The following GADL1 variants were observed in gnomAD, a reference collection of about 807,000 sequenced individuals.
The protein encoded by GADL1 is GAD like acidic amino acid decarboxylase 1, also known as acidic amino acid decarboxylase GADL1.
A neutral mutation model predicts 69.5 loss-of-function variants in GADL1; 71 were observed. That is an observed-to-expected ratio of 1.02 (90% CI 0.84 to 1.25). The LOEUF (loss-of-function observed/expected upper bound fraction) is 1.25, where lower values mean the gene tolerates loss of function less well. GADL1 is among the 50% of genes most tolerant of loss of function. The pLI is 0.00. For missense variants in GADL1, 737 were observed against 631.8 expected (o/e 1.17, Z -1.79); for synonymous variants, 254 against 214.4 (o/e 1.18, Z -1.62).
chr3:30,766,745 C>CT (rs1203604045), intron 14 of GADL1, among the ~76,000 whole-genome samples: 1 of 150,608 alleles, frequency 6.6e-6, no homozygotes, highest in Non-Finnish European at 1.5e-5. Flanking sequence ...GTCAGCTAGA[C>CT]TGCAGGGGAC....
chr3:30,797,281 G>T (rs555065826), intron 12 of GADL1, among the ~76,000 whole-genome samples: 1 of 152,264 alleles, frequency 6.6e-6, no homozygotes, highest in South Asian at 2.1e-4. Context: ...CCTCTAGGGG[G>T]AAAACAATTG....
intron 12 of GADL1, among the ~76,000 whole-genome samples, chr3:30,791,101 T>TGTG (rs1175786397): frequency 6.6e-6 from 1 of 152,126 alleles, no homozygotes; most frequent in East Asian, 1.9e-4. Flanking sequence ...AATGAGGGTG[T>TGTG]GTGGTTTTCC....
intron 8 of GADL1, among the ~76,000 whole-genome samples, chr3:30,839,392 C>T (rs1294091686): frequency 6.6e-6 from 1 of 151,678 alleles, no homozygotes; most frequent in African/African-American, 2.4e-5. Flanking sequence ...TTTGTTCTAT[C>T]AATTGTCCAG....
At chr3:30,732,959 C>T (rs111356362) in intron 14 of GADL1, among the ~76,000 whole-genome samples, 8 of 152,050 alleles carry the variant, frequency 5.3e-5, no homozygotes, top group African/African-American at 1.2e-4. Flanking sequence ...AGGGAGGCTG[C>T]GGCACGGGAC....
chr3:30,778,195 C>T lies in GADL1; in HGVS notation c.1376G>A (p.Trp459Ter). The change falls in exon 14 of 15, where the codon TGG (tryptophan) becomes TAG (stop). Residue 459 changes from tryptophan to a stop codon, truncating the protein, a stop_gained. Coordinates refer to ENST00000282538, the MANE Select transcript of GADL1 (RefSeq NM_207359.3). LOFTEE classifies it high-confidence loss of function. ...LREMEEGPEF[W>*]AKLNLVAPAI... ...ATTACTTACCAAATTAAGTTTTGCC[C>T]AGAACTCGGGTCCTTCTTCCATCTC... 1.2e-6 allele frequency: 2 copies of T among 1,607,346 alleles called. No homozygotes were observed. The highest frequency in any genetic ancestry group is 2.2e-5 in the South Asian group (2 of 90,888).
At chr3:30,758,894 G>A (rs911778094) in intron 14 of GADL1, among the ~76,000 whole-genome samples, 1 of 152,112 alleles carries the variant, frequency 6.6e-6, no homozygotes, top group Non-Finnish European at 1.5e-5. Context: ...ATATATAGGG[G>A]ATTTGAGTCA....
chr3:30,868,883 TG>T (rs1698442552), intron 1 of GADL1, among the ~76,000 whole-genome samples: 1 of 151,822 alleles, frequency 6.6e-6, no homozygotes, highest in South Asian at 2.1e-4. Flanking sequence ...GACATCTGGT[TG>T]GGGGAGGCCA....
intron 11 of GADL1, among the ~76,000 whole-genome samples, chr3:30,804,993 A>G (rs774946386): frequency 2.0e-5 from 3 of 152,206 alleles, no homozygotes; most frequent in Admixed American, 6.5e-5. Flanking sequence ...AATGGATTGG[A>G]TTATACAGTA....
rs76349448 is a variant in GADL1 at position 30,772,735 on chromosome 3, G to C, written c.1392+5444C>G. Among the ~76,000 whole-genome samples the C allele has an allele frequency of 0.016, 2,429 of 152,136 alleles. 171 individuals are homozygous for C. In the East Asian group the frequency reaches 0.24, roughly 15 times the overall value. ...ACTAAAAATACAAAACATTATCAGGGCATAGTGGTGAGCAGCTGTAATCCC... is the reference window on the plus strand; with the variant it reads ...ACTAAAAATACAAAACATTATCAGGCCATAGTGGTGAGCAGCTGTAATCCC... On this transcript the variant is annotated intron_variant, in intron 14 of 14. Coordinates refer to ENST00000282538, the MANE Select transcript of GADL1 (RefSeq NM_207359.3).
chr3:30,757,992 TTTG>T (rs1189702875), intron 14 of GADL1, among the ~76,000 whole-genome samples: 3 of 152,360 alleles, frequency 2.0e-5, no homozygotes, highest in African/African-American at 7.2e-5. Context: ...TTAATCCAAA[TTTG>T]TTTTCTCAAT....
At chr3:30,867,598 A>G (rs62233364) in intron 1 of GADL1, among the ~76,000 whole-genome samples, 27,247 of 151,530 alleles carry the variant, frequency 0.18, 2,575 homozygotes, top group East Asian at 0.3. Context: ...GGTTTAATTC[A>G]GTTGAATTGC....
At chr3:30,868,052 A>G (rs1300370405) in intron 1 of GADL1, among the ~76,000 whole-genome samples, 1 of 152,048 alleles carries the variant, frequency 6.6e-6, no homozygotes, top group African/African-American at 2.4e-5. Flanking sequence ...ACAGCTGCCC[A>G]GACCTCCCAC....
chr3:30,740,970 T>A lies in GADL1; in HGVS notation c.1393-12555A>T, dbSNP rs907456196. Among the ~76,000 whole-genome samples, 27 of 135,538 alleles carry A rather than the reference T, an allele frequency of 2.0e-4. 1 individual carries two copies. The East Asian group carries it at 5.7e-3, about 29-fold the overall frequency. 88.9% of individuals were successfully genotyped at this position (135,538 alleles called of 152,430 possible). A position where few individuals can be genotyped will look rare whatever the true frequency, so the allele number is the denominator to read the frequency against. On this transcript the variant is annotated intron_variant, in intron 14 of 14. Coordinates refer to ENST00000282538, the MANE Select transcript of GADL1 (RefSeq NM_207359.3). Reference sequence around the variant, plus strand: ...TATCAAATATATTTATTATATATTATATATTAATATATATTATATATTATA... The same window carrying A: ...TATCAAATATATTTATTATATATTAAATATTAATATATATTATATATTATA...
intron 12 of GADL1, among the ~76,000 whole-genome samples, chr3:30,794,529 T>C (rs1306549382): frequency 1.3e-5 from 2 of 152,216 alleles, no homozygotes; most frequent in Non-Finnish European, 2.9e-5. Context: ...GTTTCAATTA[T>C]GCCCAGTAAT....
chr3:30,810,264 C>T (rs1697325435), intron 11 of GADL1, among the ~76,000 whole-genome samples: 1 of 152,138 alleles, frequency 6.6e-6, no homozygotes, highest in Non-Finnish European at 1.5e-5. Context: ...AATGTGATTT[C>T]CTCTCGCTTC....
At chr3:30,883,898 ATT>A (rs1698673726) in intron 1 of GADL1, among the ~76,000 whole-genome samples, 1 of 151,150 alleles carries the variant, frequency 6.6e-6, no homozygotes, top group African/African-American at 2.5e-5. Flanking sequence ...TATTGTAAAT[ATT>A]TTAAGTTTTT....
chr3:30,802,825 C>T (rs1207052327), intron 11 of GADL1, among the ~76,000 whole-genome samples: 2 of 152,144 alleles, frequency 1.3e-5, no homozygotes, highest in African/African-American at 2.4e-5. Flanking sequence ...TAAGGCTGGG[C>T]ACTGTGGCTC....
At chr3:30,816,474 TCATTGTC>T (rs1410713460) in intron 11 of GADL1, among the ~76,000 whole-genome samples, 15 of 150,460 alleles carry the variant, frequency 1.0e-4, no homozygotes, top group Middle Eastern at 7.0e-3. Context: ...CTGGCACATG[TCATTGTC>T]CAGATCTGAC....
intron 13 of GADL1, among the ~76,000 whole-genome samples, chr3:30,782,870 A>G (rs1264059070): frequency 1.3e-5 from 2 of 152,248 alleles, no homozygotes; most frequent in African/African-American, 4.8e-5. Flanking sequence ...ACAGAATTTC[A>G]GCAAGATGAA....
Sources: gnomAD v4.1 joint callset for allele counts (sites outside exome capture counted in the v4.1 genomes callset) on GRCh38, gnomAD v4.1.1 for gene constraint, MANE v1.5 for transcripts, NCBI Gene and HGNC (gene_info 2026-07-23, HGNC 2026-07-21) for gene names.